Variants in PPP1R12B observed in about 807,000 individuals in gnomAD.
PPP1R12B encodes protein phosphatase 1 regulatory subunit 12B, also known as myosin phosphatase target subunit 2.
In PPP1R12B, 76 loss-of-function variants were observed where a neutral mutation model predicts 126.1. That is an observed-to-expected ratio of 0.60 (90% confidence interval 0.50 to 0.73). PPP1R12B has a LOEUF of 0.73. PPP1R12B is among the 30% of genes least tolerant of loss of function. The pLI is 0.00. For synonymous variants in PPP1R12B, 356 were observed against 434.7 expected, an observed-to-expected ratio of 0.82 and a Z score of 2.25; for missense variants, 1,052 against 1,205.1, an observed-to-expected ratio of 0.87 and a Z score of 1.88.
chr1:202,540,006 T>A, intron 18 of PPP1R12B: 1 of 1,318,640 alleles, frequency 7.6e-7, no homozygotes, highest in East Asian at 3.2e-5. Flanking sequence ...GCTTTTATCC[T>A]TTATTTAGTT....
chr1:202,362,190 A>G (rs2148412369), intron 1 of PPP1R12B, among the ~76,000 whole-genome samples: 1 of 151,692 alleles, frequency 6.6e-6, no homozygotes, highest in South Asian at 2.1e-4. Context: ...GCCAAAACAG[A>G]TTGTGTTTGG....
chr1:202,571,321 T>C (rs1688576782), intron 23 of PPP1R12B, among the ~76,000 whole-genome samples: 1 of 152,246 alleles, frequency 6.6e-6, no homozygotes, highest in African/African-American at 2.4e-5. Context: ...CGAAAGTGTT[T>C]GCTCTCCCCA....
chr1:202,442,528 A>T lies in PPP1R12B; in HGVS notation c.1623A>T (p.Pro541=), dbSNP rs1349966317. 1.2e-6 allele frequency: 2 copies of T among 1,613,720 alleles called. No homozygotes were observed. The highest frequency in any genetic ancestry group is 1.7e-6 in the Non-Finnish European group (2 of 1,179,876). ...ATGAAGCAAAAGGAAATGAAATCCC[A>T]CAGACAATTGCTCCCTCCACCTATG... ...WRDEAKGNEI[P]QTIAPSTYVS... Residue 541 remains proline, a synonymous_variant, in exon 12 of 24, where the codon CCA becomes CCT. Transcript: ENST00000608999.
rs551817352 is a variant in PPP1R12B at position 202,539,431 on chromosome 1, G to A, written c.2491-19446G>A. 6.6e-5 allele frequency among the ~76,000 whole-genome samples: 10 copies of A among 152,328 alleles called. No individual in the cohort carries two copies. In the South Asian group the frequency reaches 2.1e-3, roughly 32 times the overall value. ...TGTCAGAAAATAGAAGAGGGGAGGGGAAAAGATGTGTGTATGACTGTGAGT... is the reference window on the plus strand; with the variant it reads ...TGTCAGAAAATAGAAGAGGGGAGGGAAAAAGATGTGTGTATGACTGTGAGT... On this transcript the variant is annotated intron_variant, in intron 18 of 23. Transcript: ENST00000608999.
At chr1:202,356,177 CT>C (rs1431646212) in intron 1 of PPP1R12B, among the ~76,000 whole-genome samples, 1 of 152,144 alleles carries the variant, frequency 6.6e-6, no homozygotes, top group Non-Finnish European at 1.5e-5. Context: ...CAGAGCAAGA[CT>C]GTGTCTCAAA....
rs150213856 is a variant in PPP1R12B at position 202,550,167 on chromosome 1, C to G, written c.2491-8710C>G. 9.3e-4 allele frequency among the ~76,000 whole-genome samples: 141 copies of G among 152,240 alleles called. 1 individual carries two copies. In the East Asian group the frequency reaches 0.026, roughly 28 times the overall value. ...AGTTCTACCCTATGTTACTTAGGTCCCAAGTATTAATATTTATTTCCTCAT... is the reference window on the plus strand; with the variant it reads ...AGTTCTACCCTATGTTACTTAGGTCGCAAGTATTAATATTTATTTCCTCAT... On this transcript the variant is annotated intron_variant, in intron 18 of 23. Transcript: ENST00000608999.
intron 1 of PPP1R12B, 92 bp from the exon 2 acceptor site, chr1:202,416,695 T>G (rs1294213152): frequency 9.1e-6 from 10 of 1,096,792 alleles, no homozygotes; most frequent in South Asian, 3.0e-5. Flanking sequence ...TTATTAGAAC[T>G]GCTGGGCATT....
At chr1:202,465,936 G>C (rs1344922417) in intron 13 of PPP1R12B, among the ~76,000 whole-genome samples, 1 of 152,148 alleles carries the variant, frequency 6.6e-6, no homozygotes, top group Non-Finnish European at 1.5e-5. Flanking sequence ...TCTTTATAAT[G>C]AAACTGACAG....
chr1:202,563,201 C>G (rs550155545), intron 20 of PPP1R12B, among the ~76,000 whole-genome samples: 1 of 152,332 alleles, frequency 6.6e-6, no homozygotes, highest in Non-Finnish European at 1.5e-5. Flanking sequence ...ACTTCCCTCT[C>G]AAACTCCTGG....
chr1:202,564,553 A>G lies in PPP1R12B; in HGVS notation c.2757+6A>G. Reference sequence around the variant, plus strand: ...AGCTTGAGAAGGTGGCCCAGGTAAGACGGAAGAAGAAGAAAAAAGATGAGA... The same window carrying G: ...AGCTTGAGAAGGTGGCCCAGGTAAGGCGGAAGAAGAAGAAAAAAGATGAGA... On this transcript the variant is annotated splice_donor_region_variant and intron_variant, in intron 21 of 23. Transcript: ENST00000608999. The G allele has an allele frequency of 6.3e-7, 1 of 1,595,530 alleles. No homozygotes were observed. Among genetic ancestry groups the G allele is most frequent in the East Asian group, 2.2e-5 (1 of 44,774 alleles).
chr1:202,385,939 CT>C (rs879660179), intron 1 of PPP1R12B, among the ~76,000 whole-genome samples: 217 of 144,488 alleles, frequency 1.5e-3, no homozygotes, highest in Non-Finnish European at 1.7e-3. Context: ...TTTCTTTTTT[CT>C]TTTTTTTTTT....
At chr1:202,401,873 A>G (rs551177605) in intron 1 of PPP1R12B, among the ~76,000 whole-genome samples, 3 of 152,122 alleles carry the variant, frequency 2.0e-5, no homozygotes, top group South Asian at 2.1e-4. Flanking sequence ...AGGACACTCT[A>G]TAAATGAGAC....
At chr1:202,484,413 T>C (rs1416953043) in intron 13 of PPP1R12B, among the ~76,000 whole-genome samples, 3 of 152,216 alleles carry the variant, frequency 2.0e-5, no homozygotes, top group African/African-American at 7.2e-5. Flanking sequence ...TTTCTGTAAT[T>C]TACTTTTTTA....
chr1:202,456,277 A>AAAG (rs1553293914), intron 13 of PPP1R12B, among the ~76,000 whole-genome samples: 1 of 151,914 alleles, frequency 6.6e-6, no homozygotes, highest in Non-Finnish European at 1.5e-5. Context: ...TCAAAAAAAA[A>AAAG]AAAGAAAGAA....
At chr1:202,388,752 T>G (rs1663589679) in intron 1 of PPP1R12B, among the ~76,000 whole-genome samples, 2 of 152,166 alleles carry the variant, frequency 1.3e-5, no homozygotes, top group Non-Finnish European at 2.9e-5. Context: ...ATAAAATCCA[T>G]GTAACTCTAG....
intron 13 of PPP1R12B, among the ~76,000 whole-genome samples, chr1:202,469,912 C>T (rs770158691): frequency 8.9e-4 from 135 of 152,194 alleles, no homozygotes; most frequent in Non-Finnish European, 1.7e-3. Context: ...TTTGTGTATA[C>T]GTAAGTGCTT....
intron 18 of PPP1R12B, among the ~76,000 whole-genome samples, chr1:202,527,051 A>G (rs1359968843): frequency 1.3e-5 from 2 of 152,030 alleles, no homozygotes; most frequent in Non-Finnish European, 2.9e-5. Flanking sequence ...AGCCCAAAGT[A>G]AGTAGAAGGA....
intron 23 of PPP1R12B, among the ~76,000 whole-genome samples, chr1:202,577,569 C>T (rs1403514156): frequency 1.4e-5 from 2 of 144,366 alleles, no homozygotes; most frequent in Admixed American, 1.4e-4. Context: ...TTTACTCTAC[C>T]TTTTTTTTTT....
Position 202,567,775 on chromosome 1 carries a change from C to T in PPP1R12B, c.2758-3C>T, listed in dbSNP as rs758303786. On this transcript the variant is annotated splice_region_variant and splice_polypyrimidine_tract_variant and intron_variant, in intron 21 of 23. Transcript: ENST00000608999. Reference sequence around the variant, plus strand: ...ACAACTGTTTTCCTTCCATTTGCACCAGCAGAAACAAGAAAAGACCTCTGA... The same window carrying T: ...ACAACTGTTTTCCTTCCATTTGCACTAGCAGAAACAAGAAAAGACCTCTGA... 4 of 1,613,924 alleles carry T rather than the reference C, an allele frequency of 2.5e-6. No homozygotes were observed. The Admixed American group carries it at 6.7e-5, about 27-fold the overall frequency.
Sources: allele counts gnomAD v4.1 joint callset (sites outside exome capture counted in the v4.1 genomes callset), GRCh38; gene constraint gnomAD v4.1.1; transcripts MANE v1.5; gene names NCBI Gene and HGNC (gene_info 2026-07-23, HGNC 2026-07-21).